NEMP2: variants seen among roughly 807,000 people sequenced by gnomAD.
NEMP2 encodes the protein nuclear envelope integral membrane protein 2.
Under a neutral mutation model 54.2 loss-of-function variants are expected in NEMP2, and 53 were observed. The observed-to-expected ratio is 0.98, with a 90% CI of 0.78 to 1.23. NEMP2 has a LOEUF of 1.23. Among genes scored for constraint, NEMP2 ranks in the 50% most tolerant of loss-of-function variants. The pLI, the probability that NEMP2 is intolerant of heterozygous loss-of-function variation, is 0.00. For synonymous variants in NEMP2, 197 were observed against 190.3 expected (o/e 1.04, Z -0.29); for missense variants, 455 against 511.3 (o/e 0.89, Z 1.06).
the NEMP2 span, among the ~76,000 whole-genome samples, chr2:190,460,817 T>G: frequency 6.6e-6 from 1 of 152,190 alleles, no homozygotes; most frequent in Non-Finnish European, 1.5e-5. Context: ...GTGGGAGGAC[T>G]GAGAGCTAGG....
the NEMP2 span, chr2:190,497,893 C>G: frequency 6.2e-5 from 44 of 708,540 alleles, no homozygotes; most frequent in South Asian, 7.5e-4. The surrounding 1 kb of genome is among the most constrained non-coding windows in gnomAD (Gnocchi z 5.2). Flanking sequence ...AGGGTGTATA[C>G]AAGGTCCCAT....
At chr2:190,542,336 C>G in the NEMP2 span, among the ~76,000 whole-genome samples, 110 of 152,276 alleles carry the variant, frequency 7.2e-4, no homozygotes, top group African/African-American at 2.5e-3. The surrounding 1 kb of genome is among the most constrained non-coding windows in gnomAD (Gnocchi z 4.6). Context: ...CTCAGCCTCC[C>G]TAGTAGCTGG....
chr2:190,568,391 A>C, the NEMP2 span, among the ~76,000 whole-genome samples: 1 of 152,224 alleles, frequency 6.6e-6, no homozygotes, highest in African/African-American at 2.4e-5. The surrounding 1 kb of genome is among the most constrained non-coding windows in gnomAD (Gnocchi z 4.7). Flanking sequence ...TGTGATAGGC[A>C]TGTAGAAAAT....
chr2:190,504,214 A>G (rs1351976592), downstream of NEMP2: 1 of 152,224 alleles, frequency 6.6e-6, no homozygotes, highest in Non-Finnish European at 1.5e-5. The surrounding 1 kb of genome is among the most constrained non-coding windows in gnomAD (Gnocchi z 5.6). Context: ...TACAGTAGGT[A>G]TGTAACAGGT....
At chr2:190,472,492 G>A in the NEMP2 span, among the ~76,000 whole-genome samples, 2 of 152,108 alleles carry the variant, frequency 1.3e-5, no homozygotes, top group African/African-American at 4.8e-5. Flanking sequence ...TATCAGTGAT[G>A]GAAGATCAAA....
chr2:190,545,357 C>G, the NEMP2 span, among the ~76,000 whole-genome samples: 3 of 152,144 alleles, frequency 2.0e-5, no homozygotes, highest in African/African-American at 7.2e-5. Context: ...CTAGCGTTCT[C>G]TTTTTTCCCC....
At chr2:190,535,812 A>T (rs548851268), upstream of NEMP2, 41 of 152,216 alleles carry the variant, frequency 2.7e-4, no homozygotes, top group Non-Finnish European at 4.9e-4. Context: ...ATAAACCATC[A>T]TTACTTGAGT....
the NEMP2 span, among the ~76,000 whole-genome samples, chr2:190,543,371 T>C: frequency 6.6e-6 from 1 of 152,226 alleles, no homozygotes; most frequent in African/African-American, 2.4e-5. This position sits in a 1 kb window ranked among gnomAD's most constrained non-coding sequence, Gnocchi z 4.7. Context: ...CCCCTGTCTC[T>C]GGCTGTTCTC....
intron 3 of NEMP2, 51 bp from the exon 4 acceptor site, chr2:190,518,859 A>G: frequency 6.6e-7 from 1 of 1,515,442 alleles, no homozygotes; most frequent in South Asian, 1.3e-5. Context: ...TTATCAATGT[A>G]ATGTTGGTAA....
the NEMP2 span, among the ~76,000 whole-genome samples, chr2:190,594,703 G>T: frequency 6.6e-6 from 1 of 152,202 alleles, no homozygotes; most frequent in African/African-American, 2.4e-5. This position sits in a 1 kb window ranked among gnomAD's most constrained non-coding sequence, Gnocchi z 5.6. Flanking sequence ...GAGTAGCTGG[G>T]ACTACAGGCG....
At position 190,509,044 on chromosome 2, in the gene NEMP2, G is replaced by T; in HGVS notation, c.*145C>A. On this transcript the variant is annotated 3_prime_UTR_variant, in exon 9 of 9. Coordinates refer to ENST00000409150, the MANE Select transcript of NEMP2 (RefSeq NM_001142645.2). The surrounding 1 kb of genome is among the most constrained non-coding windows in gnomAD (Gnocchi z 6.1). ...TGCTAAGTTATCTTCAAAATGGGTT[G>T]GTTTCCCTTTCCAGACTGACTTGTT... is the stretch of plus-strand genomic sequence containing the variant. 1 of 1,231,760 alleles carries T rather than the reference G, an allele frequency of 8.1e-7. No homozygotes were observed. Among genetic ancestry groups the T allele is most frequent in the South Asian group, 1.6e-5 (1 of 61,522 alleles). 76.3% of individuals were successfully genotyped at this position (1,231,760 alleles called of 1,614,324 possible). A position where few individuals can be genotyped will look rare whatever the true frequency, so the allele number is the denominator to read the frequency against.
downstream of NEMP2, chr2:190,504,279 T>C (rs1156694636): frequency 6.6e-6 from 1 of 152,190 alleles, no homozygotes; most frequent in Non-Finnish European, 1.5e-5. The surrounding 1 kb of genome is among the most constrained non-coding windows in gnomAD (Gnocchi z 5.6). Context: ...AATACTGCCA[T>C]TGTTGTGCAG....
chr2:190,554,036 T>A, the NEMP2 span, among the ~76,000 whole-genome samples: 3 of 152,104 alleles, frequency 2.0e-5, no homozygotes, highest in Non-Finnish European at 4.4e-5. The surrounding 1 kb of genome is among the most constrained non-coding windows in gnomAD (Gnocchi z 5.7). Context: ...GGGTGGGGCA[T>A]CGCCTCATCC....
At position 190,521,484 on chromosome 2, in the gene NEMP2, A is replaced by G. The variant is rs1360516972; in HGVS notation, c.214-2301T>C. Among the ~76,000 whole-genome samples, 1 of 152,184 alleles carries G rather than the reference A, an allele frequency of 6.6e-6. No homozygotes were observed. Among genetic ancestry groups the G allele is most frequent in the Non-Finnish European group, 1.5e-5 (1 of 68,036 alleles). ...GCAGTTCTTCCCTCTCTACGAGATT[A>G]TTTCTCTCAGCATACAACATTTAAA... is the stretch of plus-strand genomic sequence containing the variant. On this transcript the variant is annotated intron_variant, in intron 2 of 8. Transcript: ENST00000409150. The surrounding 1 kb of genome is among the most constrained non-coding windows in gnomAD (Gnocchi z 6.2).
the NEMP2 span, among the ~76,000 whole-genome samples, chr2:190,546,674 TTTATTAC>T: frequency 1.3e-5 from 2 of 152,200 alleles, no homozygotes; most frequent in Non-Finnish European, 2.9e-5. This position sits in a 1 kb window ranked among gnomAD's most constrained non-coding sequence, Gnocchi z 5.1. Context: ...CCACCCCCAT[TTTATTAC>T]ATCTGTTTAC....
the NEMP2 span, among the ~76,000 whole-genome samples, chr2:190,635,887 G>A: frequency 7.6e-4 from 116 of 152,140 alleles, no homozygotes; most frequent in African/African-American, 2.7e-3. The surrounding 1 kb of genome is among the most constrained non-coding windows in gnomAD (Gnocchi z 4.1). Context: ...TGTTTTTTGA[G>A]ACAGGCTCTC....
At chr2:190,577,878 C>T in the NEMP2 span, among the ~76,000 whole-genome samples, 2 of 150,340 alleles carry the variant, frequency 1.3e-5, no homozygotes, top group South Asian at 4.2e-4. The surrounding 1 kb of genome is among the most constrained non-coding windows in gnomAD (Gnocchi z 4.8). Context: ...ATCTTAAAAA[C>T]AAAAACAAAA....
At chr2:190,444,185 A>C in the NEMP2 span, among the ~76,000 whole-genome samples, 1 of 152,246 alleles carries the variant, frequency 6.6e-6, no homozygotes, top group South Asian at 2.1e-4. Context: ...CTGACTAGTT[A>C]ATGAAATAAA....
the NEMP2 span, among the ~76,000 whole-genome samples, chr2:190,588,698 C>A: frequency 1.2e-4 from 19 of 152,096 alleles, 1 homozygote; most frequent in Admixed American, 1.2e-3. This position sits in a 1 kb window ranked among gnomAD's most constrained non-coding sequence, Gnocchi z 5.0. Context: ...CTTGTACTTG[C>A]CTGTCCCATA....
Sources: gnomAD v4.1 joint callset for allele counts (sites outside exome capture counted in the v4.1 genomes callset) on GRCh38, gnomAD v4.1.1 for gene constraint, Gnocchi (gnomAD v3.1) non-coding constraint, MANE v1.5 for transcripts, NCBI Gene and HGNC (gene_info 2026-07-23, HGNC 2026-07-21) for gene names.